The following PPP1R9A variants were observed in gnomAD, a reference collection of about 807,000 sequenced individuals.
The protein encoded by PPP1R9A is protein phosphatase 1 regulatory subunit 9A.
Under a neutral mutation model 141.9 loss-of-function variants are expected in PPP1R9A, and 59 were observed. The ratio of observed to expected loss-of-function variants is 0.42; its 90% CI spans 0.34 to 0.52. The LOEUF is 0.52. PPP1R9A is among the 20% of genes least tolerant of loss of function. The probability of loss-of-function intolerance (pLI) is 0.10; values close to 1 mark genes in which losing one functional copy is unlikely to be tolerated. For missense variants in PPP1R9A, 1,444 were observed against 1,611.9 expected (o/e 0.90, Z 1.78); for synonymous variants, 500 against 569.7 (o/e 0.88, Z 1.74).
At chr7:95,241,664 C>T (rs1170300025) in intron 8 of PPP1R9A, among the ~76,000 whole-genome samples, 1 of 151,782 alleles carries the variant, frequency 6.6e-6, no homozygotes, top group Non-Finnish European at 1.5e-5. Context: ...ACAGCAATTG[C>T]AACAATTAAA....
intron 2 of PPP1R9A, among the ~76,000 whole-genome samples, chr7:95,041,183 T>C (rs988384404): frequency 1.3e-5 from 2 of 152,178 alleles, no homozygotes; most frequent in African/African-American, 4.8e-5. Flanking sequence ...GTAATGAGCA[T>C]GGAGAATAGC....
At chr7:95,220,885 G>A (rs1394328536) in intron 7 of PPP1R9A, among the ~76,000 whole-genome samples, 1 of 152,072 alleles carries the variant, frequency 6.6e-6, no homozygotes, top group Non-Finnish European at 1.5e-5. Flanking sequence ...GGCAGGTTGG[G>A]GCCAGTAAAT....
intron 16 of PPP1R9A, among the ~76,000 whole-genome samples, chr7:95,283,125 C>A (rs182862767): frequency 8.1e-4 from 124 of 152,270 alleles, no homozygotes; most frequent in African/African-American, 2.8e-3. Flanking sequence ...TGCACATAAA[C>A]TGCTGCCTGT....
In PPP1R9A at chr7:95,070,610, T is replaced by C. The variant is rs866047402; in HGVS notation, c.1396-40649T>C. Among the ~76,000 whole-genome samples, 418 of 94,166 alleles carry C rather than the reference T, an allele frequency of 4.4e-3. 19 individuals are homozygous for C. Among genetic ancestry groups the C allele is most frequent in the Non-Finnish European group, 9.1e-3 (316 of 34,548 alleles). 61.8% of individuals were successfully genotyped at this position (94,166 alleles called of 152,430 possible). ...AATCTCTGGTATATATATATATATA[T>C]ACACACACACACACATATATATAAG... On this transcript the variant is annotated intron_variant, in intron 2 of 19. Transcript: ENST00000433360.
intron 2 of PPP1R9A, among the ~76,000 whole-genome samples, chr7:94,940,559 A>G (rs1795231760): frequency 6.6e-6 from 1 of 152,040 alleles, no homozygotes; most frequent in African/African-American, 2.4e-5. Context: ...GTATAATAAA[A>G]GAAAAGGAAA....
At chr7:95,228,510 C>G (rs1471332056) in intron 8 of PPP1R9A, among the ~76,000 whole-genome samples, 1 of 151,974 alleles carries the variant, frequency 6.6e-6, no homozygotes, top group Non-Finnish European at 1.5e-5. Flanking sequence ...GAATTTGTGC[C>G]TTTACCTTCT....
rs1387386169 is a variant in PPP1R9A at position 95,292,047 on chromosome 7, T to C, written c.*1744T>C. On this transcript the variant is annotated 3_prime_UTR_variant, in exon 20 of 20. Transcript: ENST00000433360. ...ATTGTCGGTTATGCGTCAGCTCTTTTGTCATTAGGTACAGACCCTTCATTC... is the reference window on the plus strand; with the variant it reads ...ATTGTCGGTTATGCGTCAGCTCTTTCGTCATTAGGTACAGACCCTTCATTC... 6.6e-6 allele frequency: 1 copy of C among 152,218 alleles called. No homozygotes were observed. Among genetic ancestry groups the C allele is most frequent in the Non-Finnish European group, 1.5e-5 (1 of 68,030 alleles). The allele number at this position is 152,218 out of a possible 1,614,324, so 9.4% of individuals were successfully genotyped here. A position where few individuals can be genotyped will look rare whatever the true frequency, so the allele number is the denominator to read the frequency against.
chr7:95,005,173 A>T (rs1431170373), intron 2 of PPP1R9A, among the ~76,000 whole-genome samples: 2 of 152,142 alleles, frequency 1.3e-5, no homozygotes, highest in East Asian at 1.9e-4. Flanking sequence ...TAATTTTGAT[A>T]AAGTGATTTA....
intron 2 of PPP1R9A, among the ~76,000 whole-genome samples, chr7:94,925,356 A>G (rs1793344559): frequency 6.6e-6 from 1 of 152,218 alleles, no homozygotes; most frequent in African/African-American, 2.4e-5. Flanking sequence ...ATGTTTGATT[A>G]GATATCTGCG....
intron 10 of PPP1R9A, among the ~76,000 whole-genome samples, chr7:95,250,663 C>G (rs116068667): frequency 6.6e-6 from 1 of 152,176 alleles, no homozygotes; most frequent in African/African-American, 2.4e-5. Flanking sequence ...GGCTGCTCCT[C>G]TCTATTCTTA....
Position 95,198,498 on chromosome 7 carries a change from G to A in PPP1R9A, c.1890+14G>A. ...GACGATGACGAGGTCAGTAGTGCTT[G>A]CAAAGATTCTTTTTCCCACATTTTC... On this transcript the variant is annotated intron_variant, in intron 6 of 19. Coordinates refer to ENST00000433360, the MANE Select transcript of PPP1R9A (RefSeq NM_001166160.2). The A allele has an allele frequency of 6.5e-7, 1 of 1,528,306 alleles. No individual in the cohort carries two copies. Among genetic ancestry groups the A allele is most frequent in the Non-Finnish European group, 8.8e-7 (1 of 1,137,168 alleles). The allele number at this position is 1,528,306 out of a possible 1,614,324, so 94.7% of individuals were successfully genotyped here.
intron 2 of PPP1R9A, among the ~76,000 whole-genome samples, chr7:95,069,380 A>G (rs1220388902): frequency 1.3e-5 from 2 of 152,122 alleles, no homozygotes; most frequent in Non-Finnish European, 2.9e-5. Flanking sequence ...TAGTAAAGGA[A>G]GTAGGGCTAC....
chr7:94,961,240 C>T (rs1797611358), intron 2 of PPP1R9A, among the ~76,000 whole-genome samples: 1 of 151,504 alleles, frequency 6.6e-6, no homozygotes, highest in Admixed American at 6.6e-5. Flanking sequence ...AAAAGGGAAA[C>T]TTGAACCTTA....
intron 2 of PPP1R9A, among the ~76,000 whole-genome samples, chr7:95,014,113 A>G (rs891729370): frequency 2.6e-5 from 4 of 152,052 alleles, no homozygotes; most frequent in Admixed American, 6.6e-5. Flanking sequence ...GCATTGATCA[A>G]AGTCAGAAAC....
Position 95,189,531 on chromosome 7 carries a change from G to T in PPP1R9A, c.1755-8818G>T, listed in dbSNP as rs1415140501. Among the ~76,000 whole-genome samples the T allele has an allele frequency of 2.0e-5, 3 of 146,742 alleles. No homozygotes were observed. The East Asian group carries it at 6.0e-4, about 29-fold the overall frequency. On this transcript the variant is annotated intron_variant, in intron 5 of 19. Coordinates refer to ENST00000433360, the MANE Select transcript of PPP1R9A (RefSeq NM_001166160.2). ...GGCTCACTGCAAGCTCCGCCTCCCG[G>T]GTTCACGCCATTCTCCTGCCTCAGC...
chr7:95,132,055 T>C (rs1177895571), intron 4 of PPP1R9A, among the ~76,000 whole-genome samples: 3 of 152,222 alleles, frequency 2.0e-5, no homozygotes, highest in South Asian at 2.1e-4. Context: ...CTTAAAACTT[T>C]CCTGAAGTTG....
intron 7 of PPP1R9A, among the ~76,000 whole-genome samples, chr7:95,224,772 GA>G (rs917406890): frequency 6.7e-5 from 10 of 148,598 alleles, no homozygotes; most frequent in Non-Finnish European, 1.2e-4. Context: ...AGAATCAAAA[GA>G]AAAAAAAACA....
chr7:95,163,999 A>G (rs1001409212), intron 5 of PPP1R9A, among the ~76,000 whole-genome samples: 1 of 152,124 alleles, frequency 6.6e-6, no homozygotes, highest in African/African-American at 2.4e-5. Context: ...TAGCCTCCCA[A>G]AGTGCTAGGA....
chr7:94,949,888 T>C (rs1796276110), intron 2 of PPP1R9A, among the ~76,000 whole-genome samples: 1 of 152,072 alleles, frequency 6.6e-6, no homozygotes, highest in Admixed American at 6.6e-5. Flanking sequence ...ACATGTTTTC[T>C]TTCCCCAGTA....
Sources: allele counts gnomAD v4.1 joint callset (sites outside exome capture counted in the v4.1 genomes callset), GRCh38; gene constraint gnomAD v4.1.1; transcripts MANE v1.5; gene names NCBI Gene and HGNC (gene_info 2026-07-23, HGNC 2026-07-21).